Variants in CCR3 observed in about 807,000 individuals in gnomAD.
CCR3 encodes the protein C-C motif chemokine receptor 3, also known as C-C chemokine receptor type 3.
For missense variants in CCR3, 419 were observed against 437.5 expected, an observed-to-expected ratio of 0.96 and a Z score of 0.38; for synonymous variants, 203 against 179.2, an observed-to-expected ratio of 1.13 and a Z score of -1.06.
At chr3:46,261,419 A>T (rs1211569672) in intron 1 of CCR3, among the ~76,000 whole-genome samples, 5 of 152,246 alleles carry the variant, frequency 3.3e-5, no homozygotes, top group Non-Finnish European at 5.9e-5. Context: ...TATACGACAA[A>T]GGTGATATTT....
intron 2 of CCR3, among the ~76,000 whole-genome samples, chr3:46,216,066 A>G (rs1007120593): frequency 6.6e-6 from 1 of 152,228 alleles, no homozygotes; most frequent in African/African-American, 2.4e-5. Context: ...GTCCCACTCC[A>G]TGGAGGACTG....
chr3:46,249,873 CTT>C (rs56735026), intron 1 of CCR3, among the ~76,000 whole-genome samples: 3 of 149,386 alleles, frequency 2.0e-5, no homozygotes, highest in Non-Finnish European at 3.0e-5. Context: ...GGAATTGCAA[CTT>C]TTTTTTTTTA....
At chr3:46,234,015 C>T (rs1699996430) in intron 2 of CCR3, among the ~76,000 whole-genome samples, 1 of 152,242 alleles carries the variant, frequency 6.6e-6, no homozygotes. Flanking sequence ...ATGGATACCC[C>T]GTCAAGGTAA....
chr3:46,231,941 A>G (rs1699969758), intron 2 of CCR3, among the ~76,000 whole-genome samples: 1 of 152,204 alleles, frequency 6.6e-6, no homozygotes, highest in Admixed American at 6.5e-5. Flanking sequence ...GTACCATGGA[A>G]ATAAGAACTT....
chr3:46,218,381 T>G (rs1699799559), intron 2 of CCR3, among the ~76,000 whole-genome samples: 1 of 151,786 alleles, frequency 6.6e-6, no homozygotes, highest in Non-Finnish European at 1.5e-5. Context: ...ACAGCTTGAA[T>G]TCTATCAGGC....
At chr3:46,250,580 G>T (rs1220307671) in intron 1 of CCR3, among the ~76,000 whole-genome samples, 1 of 152,130 alleles carries the variant, frequency 6.6e-6, no homozygotes, top group Admixed American at 6.5e-5. Flanking sequence ...GAAATCGAAA[G>T]TGCCATTTTC....
chr3:46,257,932 A>G (rs1046133677), intron 1 of CCR3, among the ~76,000 whole-genome samples: 2 of 152,202 alleles, frequency 1.3e-5, no homozygotes, highest in Non-Finnish European at 2.9e-5. Flanking sequence ...GTATAGTTCA[A>G]AGGCTGGTGA....
At chr3:46,226,254 C>T (rs1483548880) in intron 2 of CCR3, among the ~76,000 whole-genome samples, 1 of 152,078 alleles carries the variant, frequency 6.6e-6, no homozygotes, top group Non-Finnish European at 1.5e-5. Context: ...TTTCCCTAAA[C>T]CTTGGATTAA....
At chr3:46,220,970 C>A (rs1191216805) in intron 2 of CCR3, among the ~76,000 whole-genome samples, 6 of 152,260 alleles carry the variant, frequency 3.9e-5, no homozygotes, top group African/African-American at 1.4e-4. Context: ...TCCATGTAAC[C>A]AAACACCACG....
chr3:46,214,066 C>G (rs1699746923), intron 2 of CCR3, among the ~76,000 whole-genome samples: 3 of 152,202 alleles, frequency 2.0e-5, no homozygotes. Context: ...TAGGGTGGCT[C>G]TAAATGATGA....
chr3:46,256,947 T>C (rs1223479397), intron 1 of CCR3, among the ~76,000 whole-genome samples: 1 of 122,230 alleles, frequency 8.2e-6, no homozygotes, highest in Non-Finnish European at 1.6e-5. Context: ...GTCTTCACAT[T>C]TGTGCACACA....
chr3:46,255,003 G>C (rs1264946508), intron 1 of CCR3, among the ~76,000 whole-genome samples: 2 of 151,882 alleles, frequency 1.3e-5, no homozygotes, highest in African/African-American at 4.8e-5. Flanking sequence ...GGTTGTACTA[G>C]TTTACATACC....
intron 2 of CCR3, among the ~76,000 whole-genome samples, chr3:46,231,205 A>G (rs1033625739): frequency 1.3e-5 from 2 of 152,128 alleles, no homozygotes; most frequent in Admixed American, 6.5e-5. Context: ...TTACAGGCAT[A>G]AGCCACTGTG....
intron 2 of CCR3, among the ~76,000 whole-genome samples, chr3:46,234,551 C>A (rs772920767): frequency 1.3e-5 from 2 of 152,072 alleles, no homozygotes; most frequent in Non-Finnish European, 2.9e-5. Context: ...ATAAATTAAG[C>A]CTCGTTTTAA....
intron 1 of CCR3, among the ~76,000 whole-genome samples, chr3:46,244,797 T>C (rs1267156592): frequency 2.6e-5 from 4 of 152,176 alleles, no homozygotes; most frequent in Non-Finnish European, 2.9e-5. Flanking sequence ...TGTGATGGCT[T>C]GGCTTGGGCT....
At chr3:46,265,073 A>G (rs1700591419) in intron 1 of CCR3, 75 bp from the exon 2 acceptor site, 3 of 955,860 alleles carry the variant, frequency 3.1e-6, no homozygotes, top group Admixed American at 2.3e-5. Flanking sequence ...GAGTACATGA[A>G]TAAATCAACT....
At chr3:46,247,550 G>A (rs1464788753) in intron 1 of CCR3, among the ~76,000 whole-genome samples, 2 of 152,104 alleles carry the variant, frequency 1.3e-5, no homozygotes, top group Admixed American at 1.3e-4. Context: ...GACTATAAGG[G>A]ATATAAAGGT....
rs796680502 is a variant in CCR3 at position 46,217,668 on chromosome 3, A to C, written c.-68+6761A>C. The stretch of plus-strand genomic sequence containing the variant: ...AAATTAAAAGTTAAAAGGAACTGCC[A>C]AAACTACACAAATACATGGAAATTA... On this transcript the variant is annotated intron_variant, in intron 2 of 3. Coordinates refer to the CCR3 transcript ENST00000357422. Among the ~76,000 whole-genome samples the C allele has an allele frequency of 3.3e-5, 5 of 152,144 alleles. No homozygotes were observed. In the East Asian group the frequency reaches 7.7e-4, roughly 23 times the overall value.
At chr3:46,250,415 G>T (rs1283413101) in intron 1 of CCR3, among the ~76,000 whole-genome samples, 2 of 152,164 alleles carry the variant, frequency 1.3e-5, no homozygotes, top group African/African-American at 4.8e-5. Context: ...GGGACTGAGG[G>T]GACAGGCGGG....
Sources: allele counts gnomAD v4.1 joint callset (sites outside exome capture counted in the v4.1 genomes callset), GRCh38; gene constraint gnomAD v4.1.1; transcripts MANE v1.5; gene names NCBI Gene and HGNC (gene_info 2026-07-23, HGNC 2026-07-21).